Variants in LMO7 observed in about 807,000 individuals in gnomAD.
The protein encoded by LMO7 is LIM domain only protein 7.
Under a neutral mutation model 206.5 loss-of-function variants are expected in LMO7, and 120 were observed. The ratio of observed to expected loss-of-function variants is 0.58; its 90% CI spans 0.50 to 0.68. The LOEUF (loss-of-function observed/expected upper bound fraction) is 0.68, where lower values mean the gene tolerates loss of function less well. Among genes scored for constraint, LMO7 ranks in the 30% least tolerant of loss-of-function variants. LMO7 has a pLI of 0.00. For synonymous variants in LMO7, 706 were observed against 681.5 expected (o/e 1.04, Z -0.56); for missense variants, 1,959 against 1,957.9 (o/e 1.00, Z -0.01).
intron 11 of LMO7, among the ~76,000 whole-genome samples, chr13:75,815,731 ACTGTACT>A (rs535350970): frequency 6.4e-4 from 98 of 152,320 alleles, no homozygotes; most frequent in African/African-American, 2.4e-3. Context: ...AGGTGAGTTG[ACTGTACT>A]CTGATCTAGG....
At chr13:75,665,335 A>G (rs2038983825) in intron 1 of LMO7, among the ~76,000 whole-genome samples, 1 of 151,954 alleles carries the variant, frequency 6.6e-6, no homozygotes, top group Non-Finnish European at 1.5e-5. Flanking sequence ...TTTTCTTTCT[A>G]TAGTATACTT....
intron 1 of LMO7, among the ~76,000 whole-genome samples, chr13:75,695,983 G>A (rs1169295023): frequency 6.6e-6 from 1 of 152,238 alleles, no homozygotes; most frequent in African/African-American, 2.4e-5. Context: ...TTAGACTGCT[G>A]CAGTACTCAG....
chr13:75,837,668 T>G (rs1219436235), intron 19 of LMO7, among the ~76,000 whole-genome samples: 1 of 152,222 alleles, frequency 6.6e-6, no homozygotes, highest in Non-Finnish European at 1.5e-5. Flanking sequence ...AGTATTTTGT[T>G]TTCTTTGATC....
At chr13:75,850,059 A>G (rs1043541827) in intron 27 of LMO7, among the ~76,000 whole-genome samples, 10 of 152,212 alleles carry the variant, frequency 6.6e-5, no homozygotes, top group African/African-American at 2.4e-4. Flanking sequence ...CAGAGGTTGC[A>G]GTGAGCTGAG....
At chr13:75,843,199 T>C (rs774196750) in intron 25 of LMO7, among the ~76,000 whole-genome samples, 2 of 152,228 alleles carry the variant, frequency 1.3e-5, no homozygotes, top group Non-Finnish European at 2.9e-5. Context: ...ACCTATTAAC[T>C]AGGCAGCTCT....
In LMO7 at chr13:75,804,418, A is replaced by T. The variant is rs369724059; in HGVS notation, c.791A>T (p.Asn264Ile). 1 of 1,614,110 alleles carries T rather than the reference A, an allele frequency of 6.2e-7. No homozygotes were observed. The highest frequency in any genetic ancestry group is 1.3e-5 in the African/African-American group (1 of 74,948). ...TALPFNRFLPNKSRQPSYVPA... is the reference protein window; with the variant it reads ...TALPFNRFLPIKSRQPSYVPA... The stretch of plus-strand genomic sequence containing the variant: ...TTACCCTTCAATCGTTTTTTACCCA[A>T]CAAAAGTAGACAGCCATCCTATGTA... The change falls in exon 8 of 31, where the codon AAC becomes ATC. Residue 264 changes from asparagine to isoleucine, a missense_variant. Asn to Ile is a moderately radical substitution (Grantham distance 149). Coordinates refer to ENST00000377534, the MANE Select transcript of LMO7 (RefSeq NM_001306080.2).
intron 3 of LMO7, among the ~76,000 whole-genome samples, chr13:75,735,646 A>AT (rs1203626178): frequency 2.2e-4 from 29 of 131,024 alleles, no homozygotes; most frequent in Middle Eastern, 3.9e-3. Flanking sequence ...TTTTTTTTGT[A>AT]TTTTTTTTTA....
At chr13:75,771,156 C>T (rs1046188000) in intron 4 of LMO7, among the ~76,000 whole-genome samples, 5 of 151,968 alleles carry the variant, frequency 3.3e-5, no homozygotes, top group Non-Finnish European at 7.4e-5. Context: ...AGTTTGTGAA[C>T]TAAGTTACTT....
In LMO7 at chr13:75,849,122, A is replaced by C. The variant is rs552538119; in HGVS notation, c.4194A>C (p.Ser1398=). ...YLDQIGNMTS[S]QRRSKKEQVP... is the part of the protein sequence containing the mutation. ...ACCAAATTGGGAACATGACCTCTTC[A>C]CAGAGGAGATCCAAGAAAGAACAAG... The change falls in exon 27 of 31, where the codon TCA becomes TCC. Residue 1398 remains serine, a synonymous_variant. Coordinates refer to ENST00000377534, the MANE Select transcript of LMO7 (RefSeq NM_001306080.2). 1 of 1,611,902 alleles carries C rather than the reference A, an allele frequency of 6.2e-7. No homozygotes were observed. Among genetic ancestry groups the C allele is most frequent in the African/African-American group, 1.3e-5 (1 of 75,030 alleles).
chr13:75,824,074 G>A (rs2057871786), intron 15 of LMO7, among the ~76,000 whole-genome samples: 1 of 152,188 alleles, frequency 6.6e-6, no homozygotes, highest in Admixed American at 6.5e-5. Flanking sequence ...TAACACTTGT[G>A]ATATGAGTGT....
At chr13:75,848,619 G>GTA (rs34428363) in intron 26 of LMO7, among the ~76,000 whole-genome samples, 69 of 146,320 alleles carry the variant, frequency 4.7e-4, no homozygotes, top group East Asian at 1.4e-3. Context: ...TGGATACCCA[G>GTA]TATATATATA....
chr13:75,628,745 C>A (rs185355591), intron 2 of LMO7, among the ~76,000 whole-genome samples: 92 of 152,238 alleles, frequency 6.0e-4, no homozygotes, highest in African/African-American at 2.0e-3. Flanking sequence ...TTTCTTCTTT[C>A]AATTATTTCC....
At chr13:75,760,781 T>C (rs1265706728) in intron 3 of LMO7, 151 bp from the exon 4 acceptor site, 2 of 1,540,614 alleles carry the variant, frequency 1.3e-6, no homozygotes, top group Non-Finnish European at 1.7e-6. Flanking sequence ...CTATGTATTT[T>C]TTTTCAAATA....
chr13:75,789,932 T>A (rs1005806166), intron 4 of LMO7, among the ~76,000 whole-genome samples: 1 of 152,016 alleles, frequency 6.6e-6, no homozygotes, highest in Non-Finnish European at 1.5e-5. Context: ...TTTTGGAAAA[T>A]TTAAGGGTAT....
intron 6 of LMO7, among the ~76,000 whole-genome samples, chr13:75,800,242 A>G (rs112126987): frequency 3.9e-5 from 6 of 152,222 alleles, no homozygotes; most frequent in African/African-American, 1.4e-4. Context: ...AGATAGAGTG[A>G]ATATAATCTT....
rs758702556 is a variant in LMO7, at chr13:75,834,219, T to C, written c.3065-7T>C. 11 of 1,569,654 alleles carry C rather than the reference T, an allele frequency of 7.0e-6. No individual in the cohort carries two copies. The highest frequency in any genetic ancestry group is 8.6e-6 in the Non-Finnish European group (10 of 1,156,772). On this transcript the variant is annotated splice_polypyrimidine_tract_variant and splice_region_variant and intron_variant, in intron 16 of 30. Transcript: ENST00000377534. ...CCCCAATTGGTTAATTTATTTTGCATTTTTAGGTAGCCCAGCAGAATTTTC... is the reference window on the plus strand; with the variant it reads ...CCCCAATTGGTTAATTTATTTTGCACTTTTAGGTAGCCCAGCAGAATTTTC...
intron 4 of LMO7, among the ~76,000 whole-genome samples, chr13:75,770,206 C>G (rs998586545): frequency 5.3e-5 from 8 of 151,758 alleles, no homozygotes; most frequent in African/African-American, 1.5e-4. Flanking sequence ...CCGAAGGGGC[C>G]TGGTCCATGT....
rs182644761 is a variant in LMO7, at chr13:75,743,523, A to G, written c.210+16425A>G. Among the ~76,000 whole-genome samples, 28 of 152,344 alleles carry G rather than the reference A, an allele frequency of 1.8e-4. 1 individual carries two copies. Among genetic ancestry groups the G allele is most frequent in the African/African-American group, 4.8e-4 (20 of 41,588 alleles). On this transcript the variant is annotated intron_variant, in intron 3 of 30. Coordinates refer to ENST00000377534, the MANE Select transcript of LMO7 (RefSeq NM_001306080.2). ...AGCATAGAATACTATGCAGTCATAA[A>G]AAAGAAAGAGATCATGTCCTTTGCA...
intron 1 of LMO7, among the ~76,000 whole-genome samples, chr13:75,669,274 A>G (rs2039336222): frequency 6.6e-6 from 1 of 152,152 alleles, no homozygotes; most frequent in Non-Finnish European, 1.5e-5. Context: ...ATTTCTGGGG[A>G]GAAGTCTCAT....
Sources: allele counts gnomAD v4.1 joint callset (sites outside exome capture counted in the v4.1 genomes callset), GRCh38; gene constraint gnomAD v4.1.1; transcripts MANE v1.5; gene names NCBI Gene and HGNC (gene_info 2026-07-23, HGNC 2026-07-21).